Variants in LYSMD4 observed in about 807,000 individuals in gnomAD.
LYSMD4 encodes the protein LysM domain containing 4.
In LYSMD4, 9 loss-of-function variants were observed where a neutral mutation model predicts 6.1. That is an observed-to-expected ratio of 1.47 (90% CI 0.88 to 2.56). The LOEUF is 2.56. Among genes scored for constraint, LYSMD4 ranks in the 30% most tolerant of loss-of-function variants. The pLI, the probability that LYSMD4 is intolerant of heterozygous loss-of-function variation, is 0.00. For missense variants in LYSMD4, 384 were observed against 373.5 expected, an observed-to-expected ratio of 1.03 and a Z score of -0.23; for synonymous variants, 143 against 148.5, an observed-to-expected ratio of 0.96 and a Z score of 0.27.
chr15:99,733,322 C>G (rs1437234875), intron 1 of LYSMD4, 23 bp downstream of exon 1: 4 of 391,684 alleles, frequency 1.0e-5, no homozygotes, highest in African/African-American at 4.1e-5. Context: ...CAGACCGCGG[C>G]CCCCTCGTCC....
At chr15:99,719,316 C>A (rs960422911), upstream of LYSMD4, among the ~76,000 whole-genome samples, 3 of 152,202 alleles carry the variant, frequency 2.0e-5, no homozygotes, top group Admixed American at 6.5e-5. Context: ...GCACCCTCCC[C>A]ATCCTAGTTG....
chr15:99,733,370 C>G lies in LYSMD4; in HGVS notation c.-34G>C, dbSNP rs1021707440. The G allele has an allele frequency of 2.5e-6, 1 of 394,964 alleles. No homozygotes were observed. The highest frequency in any genetic ancestry group is 2.1e-5 in the African/African-American group (1 of 48,376). The allele number at this position is 394,964 out of a possible 1,614,324, so 24.5% of individuals were successfully genotyped here. ...CTCAGCGCCCAGGCTCCGCCGCGAC[C>G]GGCGACCGGCGACTCGCGACCCGCG... On this transcript the variant is annotated 5_prime_UTR_variant, in exon 1 of 3. Coordinates refer to ENST00000684762, the MANE Select transcript of LYSMD4 (RefSeq NM_001284417.2).
Position 99,729,900 on chromosome 15 carries a change from T to G in LYSMD4, c.283-169A>C, listed in dbSNP as rs550167458. Among the ~76,000 whole-genome samples, 5 of 152,326 alleles carry G rather than the reference T, an allele frequency of 3.3e-5. No individual in the cohort carries two copies. In the East Asian group the frequency reaches 5.8e-4, roughly 18 times the overall value. ...TACACAAAGTTAGTTTAGGCTGAAATTTTGTTTTTTTGGCTTTCACTCAAC... is the reference window on the plus strand; with the variant it reads ...TACACAAAGTTAGTTTAGGCTGAAAGTTTGTTTTTTTGGCTTTCACTCAAC... On this transcript the variant is annotated intron_variant, in intron 2 of 2. Transcript: ENST00000684762.
rs775790912 is a variant in LYSMD4 at position 99,729,507 on chromosome 15, G to T, written c.507C>A (p.Phe169Leu). ...TGAQAGQLMGFFKGIDQDIER... is the reference protein window; with the variant it reads ...TGAQAGQLMGLFKGIDQDIER... Reference sequence around the variant, plus strand: ...CAATATCCTGGTCAATCCCCTTAAAGAAGCCCATCAGTTGGCCGGCCTGGG... The same window carrying T: ...CAATATCCTGGTCAATCCCCTTAAATAAGCCCATCAGTTGGCCGGCCTGGG... The change falls in exon 3 of 3, where the codon TTC (phenylalanine) becomes TTA (leucine). Residue 169 changes from phenylalanine to leucine, a missense_variant. Physicochemically the swap from Phe to Leu is conservative, Grantham distance 22. Coordinates refer to ENST00000684762, the MANE Select transcript of LYSMD4 (RefSeq NM_001284417.2). The T allele has an allele frequency of 6.2e-7, 1 of 1,614,114 alleles. No individual in the cohort carries two copies. Among genetic ancestry groups the T allele is most frequent in the Non-Finnish European group, 8.5e-7 (1 of 1,180,034 alleles).
chr15:99,729,592 G>A lies in LYSMD4; in HGVS notation c.422C>T (p.Ser141Phe). 1 of 1,614,178 alleles carries A rather than the reference G, an allele frequency of 6.2e-7. No individual in the cohort carries two copies. The highest frequency in any genetic ancestry group is 8.5e-7 in the Non-Finnish European group (1 of 1,180,042). ...CAGTTCCACGGTCACTGTGGTCTCGGAAGACGGGCTCAGAAGGGGTTTCAG... is the reference window on the plus strand; with the variant it reads ...CAGTTCCACGGTCACTGTGGTCTCGAAAGACGGGCTCAGAAGGGGTTTCAG... ...KELKPLLSPS[S>F]ETTVTVELPE... The change falls in exon 3 of 3, where the codon TCC (serine) becomes TTC (phenylalanine). Residue 141 changes from serine to phenylalanine, a missense_variant. Ser to Phe is a radical substitution (Grantham distance 155). Transcript: ENST00000684762.
In LYSMD4 at chr15:99,729,092, T is replaced by C. The variant is rs1366725531; in HGVS notation, c.*31A>G. The C allele has an allele frequency of 1.2e-6, 2 of 1,606,072 alleles. No homozygotes were observed. The highest frequency in any genetic ancestry group is 3.3e-5 in the Admixed American group (2 of 59,820). ...CTGAGGCACATCAACAGCCAATTGC[T>C]AAAGCTGGGCCTAGTCTTTAAAAAC... On this transcript the variant is annotated 3_prime_UTR_variant, in exon 3 of 3. Transcript: ENST00000684762.
At chr15:99,726,016 C>T (rs996923685), downstream of LYSMD4, among the ~76,000 whole-genome samples, 8 of 152,128 alleles carry the variant, frequency 5.3e-5, no homozygotes, top group Non-Finnish European at 7.4e-5. Flanking sequence ...CTGTGGCATC[C>T]AGGAAGCACC....
rs2059300393 is a variant in LYSMD4 at position 99,727,535 on chromosome 15, G to C, written c.*1588C>G. 1 of 152,220 alleles carries C rather than the reference G, an allele frequency of 6.6e-6. No homozygotes were observed. The highest frequency in any genetic ancestry group is 1.5e-5 in the Non-Finnish European group (1 of 68,048). The allele number at this position is 152,220 out of a possible 1,614,324, so 9.4% of individuals were successfully genotyped here. ...TGAAGTGACAGTGACAGATGTTAGAGGAACCTGTGGCCCTCAGTGACACAG... is the reference window on the plus strand; with the variant it reads ...TGAAGTGACAGTGACAGATGTTAGACGAACCTGTGGCCCTCAGTGACACAG... On this transcript the variant is annotated 3_prime_UTR_variant, in exon 3 of 3. Coordinates refer to ENST00000684762, the MANE Select transcript of LYSMD4 (RefSeq NM_001284417.2).
rs1216043609 is a variant in LYSMD4, at chr15:99,729,183, T to A, written c.831A>T (p.Ala277=). 1.2e-6 allele frequency: 2 copies of A among 1,614,226 alleles called. No individual in the cohort carries two copies. The highest frequency in any genetic ancestry group is 1.7e-6 in the Non-Finnish European group (2 of 1,180,038). The change falls in exon 3 of 3, where the codon GCA becomes GCT. Residue 277 remains alanine, a synonymous_variant. Coordinates refer to ENST00000684762, the MANE Select transcript of LYSMD4 (RefSeq NM_001284417.2). ...VPGQAPRLAV[A]VPAVTSADSQ... ...TGTCTGCAGAAGTGACGGCTGGCACTGCAACTGCTAGTCTGGGGGCTTGCC... is the reference window on the plus strand; with the variant it reads ...TGTCTGCAGAAGTGACGGCTGGCACAGCAACTGCTAGTCTGGGGGCTTGCC...
chr15:99,731,351 A>G (rs2059405210), intron 2 of LYSMD4: 3 of 1,611,834 alleles, frequency 1.9e-6, no homozygotes, highest in Admixed American at 1.7e-5. Context: ...GAGAAAAGCA[A>G]GCATACCATA....
chr15:99,732,144 A>C, intron 1 of LYSMD4, 137 bp from the exon 2 acceptor site: 1 of 923,794 alleles, frequency 1.1e-6, no homozygotes, highest in Non-Finnish European at 1.6e-6. Context: ...CATCAACAGA[A>C]AAAAAAGAAT....
chr15:99,720,584 TG>T (rs2059230448), upstream of LYSMD4, among the ~76,000 whole-genome samples: 1 of 152,184 alleles, frequency 6.6e-6, no homozygotes, highest in Non-Finnish European at 1.5e-5. Context: ...GACCGTAAAT[TG>T]TAAATGGCTC....
At chr15:99,724,230 A>C (rs141777033), downstream of LYSMD4, among the ~76,000 whole-genome samples, 50 of 145,176 alleles carry the variant, frequency 3.4e-4, 1 homozygote, top group East Asian at 9.4e-3. Context: ...GTTCTACCGT[A>C]TCTCTACTCT....
intron 2 of LYSMD4, chr15:99,731,117 A>G (rs960000122): frequency 6.7e-5 from 102 of 1,521,862 alleles, no homozygotes; most frequent in Non-Finnish European, 9.0e-5. Context: ...TAGCAAAGTG[A>G]AACAGTTGCA....
chr15:99,716,737 A>G (rs533461975), exon 1 of LYSMD4: 2 of 455,816 alleles, frequency 4.4e-6, no homozygotes, highest in Admixed American at 4.7e-5. Flanking sequence ...TGGGCCACGC[A>G]GTCCCACCGG....
chr15:99,721,300 A>C (rs1056411347), upstream of LYSMD4, among the ~76,000 whole-genome samples: 3 of 152,178 alleles, frequency 2.0e-5, no homozygotes, highest in African/African-American at 7.2e-5. Context: ...TGCTTCAAAG[A>C]AGCAGGAGGA....
Position 99,728,991 on chromosome 15 carries a change from C to A in LYSMD4, c.*132G>T. On this transcript the variant is annotated 3_prime_UTR_variant, in exon 3 of 3. Transcript: ENST00000684762. Reference sequence around the variant, plus strand: ...CCCAGGGCCAGTGCAATTGGGAATACTGCAGTGACTTCTGAAAAGTGTCCA... The same window carrying A: ...CCCAGGGCCAGTGCAATTGGGAATAATGCAGTGACTTCTGAAAAGTGTCCA... 7.9e-7 allele frequency: 1 copy of A among 1,266,360 alleles called. No homozygotes were observed. Among genetic ancestry groups the A allele is most frequent in the Admixed American group, 2.0e-5 (1 of 50,804 alleles). The allele number at this position is 1,266,360 out of a possible 1,614,324, so 78.4% of individuals were successfully genotyped here. A position where few individuals can be genotyped will look rare whatever the true frequency, so the allele number is the denominator to read the frequency against.
chr15:99,726,863 A>G (rs1029173978), downstream of LYSMD4, among the ~76,000 whole-genome samples: 14 of 152,182 alleles, frequency 9.2e-5, no homozygotes, highest in African/African-American at 3.4e-4. Flanking sequence ...TAATAAAGCA[A>G]TATTAAAGCC....
chr15:99,731,746 T>C lies in LYSMD4; in HGVS notation c.254A>G (p.Asn85Ser). ...QRELAQEDSL[N>S]KLALQYGCKV... ...GCAGCCATACTGCAGCGCCAGCTTG[T>C]TGAGGCTGTCCTCCTGGGCCAGCTC... Residue 85 changes from asparagine to serine, a missense_variant, in exon 2 of 3, where the codon AAC becomes AGC. Physicochemically the swap from Asn to Ser is conservative, Grantham distance 46. Coordinates refer to ENST00000684762, the MANE Select transcript of LYSMD4 (RefSeq NM_001284417.2). 6.2e-7 allele frequency: 1 copy of C among 1,605,860 alleles called. No individual in the cohort carries two copies. Among genetic ancestry groups the C allele is most frequent in the Non-Finnish European group, 8.5e-7 (1 of 1,176,338 alleles).
Sources: gnomAD v4.1 joint callset for allele counts (sites outside exome capture counted in the v4.1 genomes callset) on GRCh38, gnomAD v4.1.1 for gene constraint, MANE v1.5 for transcripts, NCBI Gene and HGNC (gene_info 2026-07-23, HGNC 2026-07-21) for gene names.